NUSAP1: variants seen among roughly 807,000 people sequenced by gnomAD.
The protein encoded by NUSAP1 is nucleolar and spindle-associated protein 1.
Under a neutral mutation model 52.8 loss-of-function variants are expected in NUSAP1, and 32 were observed. The ratio of observed to expected loss-of-function variants is 0.61; its 90% CI spans 0.46 to 0.81. The LOEUF is 0.81. NUSAP1 is among the 40% of genes least tolerant of loss of function. NUSAP1 has a pLI of 0.00. For missense variants in NUSAP1, 499 were observed against 522.3 expected, an observed-to-expected ratio of 0.96 and a Z score of 0.43; for synonymous variants, 195 against 183.1, an observed-to-expected ratio of 1.06 and a Z score of -0.52.
At chr15:41,380,002 T>C in intron 10 of NUSAP1, 91 bp from the exon 11 acceptor site, 3 of 856,750 alleles carry the variant, frequency 3.5e-6, no homozygotes, top group Non-Finnish European at 5.6e-6. Flanking sequence ...TGTCATTGCT[T>C]GGAAGTTTGG....
At chr15:41,347,611 C>T (rs886374495) in intron 2 of NUSAP1, among the ~76,000 whole-genome samples, 6 of 149,452 alleles carry the variant, frequency 4.0e-5, no homozygotes, top group Admixed American at 1.3e-4. Flanking sequence ...GTCAACAGAT[C>T]GAGACCATCC....
In NUSAP1 at chr15:41,365,511, G is replaced by A. The variant is rs550969703; in HGVS notation, c.770G>A (p.Gly257Asp). 1 of 1,612,678 alleles carries A rather than the reference G, an allele frequency of 6.2e-7. No homozygotes were observed. Among genetic ancestry groups the A allele is most frequent in the East Asian group, 2.2e-5 (1 of 44,846 alleles). ...CGACGCTCGCAAGGCCGGTCTTGTG[G>A]CCCTGCAAGTCAGAGTACCTTGGGT... Reference protein sequence around the residue: ...SQRRSQGRSCGPASQSTLGLK... With the variant: ...SQRRSQGRSCDPASQSTLGLK... Residue 257 changes from glycine (G) to aspartate (D), a missense_variant, in exon 7 of 11, where the codon GGC becomes GAC. Physicochemically the swap from Gly to Asp is moderately conservative, Grantham distance 94. Transcript: ENST00000559596.
At chr15:41,368,362 G>A (rs1567068765) in intron 7 of NUSAP1, among the ~76,000 whole-genome samples, 1 of 152,104 alleles carries the variant, frequency 6.6e-6, no homozygotes, top group South Asian at 2.1e-4. Context: ...AGATGCCTAA[G>A]GAGAAACTTT....
intron 9 of NUSAP1, 64 bp downstream of exon 9, chr15:41,375,892 C>A: frequency 1.8e-6 from 2 of 1,089,120 alleles, no homozygotes; most frequent in Non-Finnish European, 2.8e-6. Flanking sequence ...GACGCAGTGG[C>A]TCACACCTAC....
intron 2 of NUSAP1, among the ~76,000 whole-genome samples, 158 bp downstream of exon 2, chr15:41,342,612 C>A (rs796754116): frequency 6.6e-6 from 1 of 151,856 alleles, no homozygotes; most frequent in Non-Finnish European, 1.5e-5. Flanking sequence ...CAGTGGCAGG[C>A]GGATCACTTG....
chr15:41,360,307 T>TTTTG (rs199646414), intron 6 of NUSAP1, among the ~76,000 whole-genome samples: 33,914 of 148,836 alleles, frequency 0.23, 4,010 homozygotes, highest in Non-Finnish European at 0.25. Flanking sequence ...CCCGGCTAAT[T>TTTTG]TTTGTTTGTT....
intron 9 of NUSAP1, among the ~76,000 whole-genome samples, 162 bp downstream of exon 9, chr15:41,375,990 T>C (rs2049916950): frequency 6.6e-6 from 1 of 152,132 alleles, no homozygotes; most frequent in Non-Finnish European, 1.5e-5. Flanking sequence ...CACTTGAACC[T>C]GTTAGGTGGA....
Position 41,341,608 on chromosome 15 carries a change from C to G in NUSAP1, c.94-778C>G, listed in dbSNP as rs372921290. On this transcript the variant is annotated intron_variant, in intron 1 of 10. Transcript: ENST00000559596. The stretch of plus-strand genomic sequence containing the variant: ...TTGGCATAACAAAGTTTCCCTCTTC[C>G]TCAACTCTCATGTTCACACTGATTT... Among the ~76,000 whole-genome samples the G allele has an allele frequency of 5.9e-5, 9 of 152,248 alleles. No homozygotes were observed. In the East Asian group the frequency reaches 1.4e-3, roughly 23 times the overall value.
intron 7 of NUSAP1, 24 bp from the exon 8 acceptor site, chr15:41,371,503 C>T (rs763741523): frequency 6.4e-7 from 1 of 1,571,204 alleles, no homozygotes; most frequent in Non-Finnish European, 8.6e-7. Flanking sequence ...GTACTCATGT[C>T]TTGTACTCTG....
chr15:41,338,203 G>A (rs1230027254), intron 1 of NUSAP1, among the ~76,000 whole-genome samples: 1 of 151,930 alleles, frequency 6.6e-6, no homozygotes, highest in East Asian at 1.9e-4. Flanking sequence ...CCAAAGTGCT[G>A]GGTTTACAGG....
In NUSAP1 at chr15:41,339,404, G is replaced by A. The variant is rs546822226; in HGVS notation, c.94-2982G>A. On this transcript the variant is annotated intron_variant, in intron 1 of 10. Coordinates refer to ENST00000559596, the MANE Select transcript of NUSAP1 (RefSeq NM_016359.5). ...ATATGAGTGTTTATTACATTACTTC[G>A]ACTTTTCTTTTTTTTTTTTTTTTGA... 6.0e-5 allele frequency among the ~76,000 whole-genome samples: 9 copies of A among 149,972 alleles called. No individual in the cohort carries two copies. The South Asian group carries it at 6.3e-4, about 11-fold the overall frequency.
chr15:41,378,949 T>TG (rs1374407307), intron 10 of NUSAP1, among the ~76,000 whole-genome samples: 2 of 96,798 alleles, frequency 2.1e-5, no homozygotes, highest in Non-Finnish European at 4.0e-5. Context: ...TCTTGGTTTT[T>TG]TTTTTTTTTT....
intron 2 of NUSAP1, among the ~76,000 whole-genome samples, chr15:41,346,828 AAAATAAATAAAT>A (rs71431808): frequency 0.24 from 31,470 of 129,946 alleles, 3,974 homozygotes; most frequent in Non-Finnish European, 0.28. Context: ...CCCCGTCTCA[AAAATAAATAAAT>A]AAATAAATAA....
At chr15:41,342,646 T>G (rs1029081700) in intron 2 of NUSAP1, among the ~76,000 whole-genome samples, 192 bp downstream of exon 2, 3 of 152,138 alleles carry the variant, frequency 2.0e-5, no homozygotes, top group African/African-American at 7.2e-5. Context: ...GAGACCAGCC[T>G]GGCCAACATG....
Position 41,333,063 on chromosome 15 carries a change from C to A in NUSAP1, c.93+13C>A. On this transcript the variant is annotated intron_variant, in intron 1 of 10. Coordinates refer to ENST00000559596, the MANE Select transcript of NUSAP1 (RefSeq NM_016359.5). ...GGCCAACCTGAGGGTACGGCGCTGG[C>A]GGTGCGGGTCCCTGGGCGGGCGCGG... The A allele has an allele frequency of 6.3e-7, 1 of 1,599,436 alleles. No homozygotes were observed.
chr15:41,360,327 G>GTTTA (rs1361022462), intron 6 of NUSAP1, among the ~76,000 whole-genome samples: 35 of 150,730 alleles, frequency 2.3e-4, no homozygotes, highest in Non-Finnish European at 4.3e-4. Flanking sequence ...TTGTTTGTTT[G>GTTTA]TTTGTTTTGA....
chr15:41,372,297 C>T (rs779762185), intron 8 of NUSAP1, among the ~76,000 whole-genome samples: 9 of 152,086 alleles, frequency 5.9e-5, no homozygotes, highest in Non-Finnish European at 1.2e-4. Flanking sequence ...GTTGCAGCCT[C>T]GGAAAGGTCC....
At chr15:41,373,535 C>T (rs1276222953) in intron 8 of NUSAP1, among the ~76,000 whole-genome samples, 11 of 150,462 alleles carry the variant, frequency 7.3e-5, no homozygotes, top group African/African-American at 2.4e-4. Flanking sequence ...CTGCAACCTC[C>T]GCCTCCTGGG....
chr15:41,363,337 C>CTATA (rs1418622615), intron 6 of NUSAP1, among the ~76,000 whole-genome samples: 3 of 148,656 alleles, frequency 2.0e-5, no homozygotes, highest in African/African-American at 7.4e-5. Flanking sequence ...CTCTCTCTCT[C>CTATA]TCTATATATA....
Sources: allele counts gnomAD v4.1 joint callset (sites outside exome capture counted in the v4.1 genomes callset), GRCh38; gene constraint gnomAD v4.1.1; transcripts MANE v1.5; gene names NCBI Gene and HGNC (gene_info 2026-07-23, HGNC 2026-07-21).